Variants in LMO7 observed in about 807,000 individuals in gnomAD.
LMO7 encodes LIM domain only protein 7.
Under a neutral mutation model 206.5 loss-of-function variants are expected in LMO7, and 120 were observed. The observed-to-expected ratio is 0.58, with a 90% confidence interval of 0.50 to 0.68. The LOEUF is 0.68. Ranked by LOEUF, LMO7 falls within the 30% of genes least tolerant of loss-of-function variation. The probability of loss-of-function intolerance (pLI) is 0.00; values close to 1 mark genes in which losing one functional copy is unlikely to be tolerated. For synonymous variants in LMO7, 706 were observed against 681.5 expected (o/e 1.04, Z -0.56); for missense variants, 1,959 against 1,957.9 (o/e 1.00, Z -0.01).
At chr13:75,766,310 A>C (rs142251008) in intron 4 of LMO7, among the ~76,000 whole-genome samples, 3 of 136,894 alleles carry the variant, frequency 2.2e-5, no homozygotes, top group Admixed American at 7.9e-5. Context: ...TCTGACTTTC[A>C]TGTCCTATTC....
At chr13:75,667,797 C>T (rs866823515) in intron 1 of LMO7, among the ~76,000 whole-genome samples, 2 of 152,184 alleles carry the variant, frequency 1.3e-5, no homozygotes, top group South Asian at 4.1e-4. Context: ...TGGCCACTTT[C>T]TCCTGGTTCT....
chr13:75,731,070 AGGTGT>A (rs2045148058), intron 3 of LMO7, among the ~76,000 whole-genome samples: 1 of 151,774 alleles, frequency 6.6e-6, no homozygotes, highest in Admixed American at 6.6e-5. Context: ...ATTTTGGAAT[AGGTGT>A]GGTGTGGTGC....
intron 2 of LMO7, among the ~76,000 whole-genome samples, chr13:75,724,116 A>C (rs1258685965): frequency 6.6e-6 from 1 of 152,100 alleles, no homozygotes; most frequent in Non-Finnish European, 1.5e-5. Flanking sequence ...TTAGGATTTC[A>C]AAGTATGAGG....
intron 1 of LMO7, among the ~76,000 whole-genome samples, chr13:75,674,864 G>C (rs2039877286): frequency 1.3e-5 from 2 of 152,168 alleles, no homozygotes; most frequent in Non-Finnish European, 2.9e-5. Context: ...TAATGGAATA[G>C]TGGTATCCAA....
chr13:75,632,862 G>GTTTTTTTTTTT (rs10690832), upstream of LMO7, among the ~76,000 whole-genome samples: 1,238 of 102,066 alleles, frequency 0.012, 189 homozygotes, highest in African/African-American at 0.045. Context: ...TTACTTAAAA[G>GTTTTTTTTTTT]TTTTTTTTTT....
intron 1 of LMO7, among the ~76,000 whole-genome samples, chr13:75,660,896 AG>A (rs1372866283): frequency 2.0e-5 from 3 of 152,162 alleles, no homozygotes; most frequent in Non-Finnish European, 2.9e-5. Flanking sequence ...GGTAGGGGGT[AG>A]GGTTGACTGA....
chr13:75,811,070 A>G (rs978427643), intron 11 of LMO7, among the ~76,000 whole-genome samples: 6 of 152,252 alleles, frequency 3.9e-5, no homozygotes, highest in Non-Finnish European at 2.9e-5. Flanking sequence ...GGGAAGTATT[A>G]TAATATGAAT....
chr13:75,752,887 A>T lies in LMO7; in HGVS notation c.211-8045A>T, dbSNP rs572824824. Among the ~76,000 whole-genome samples, 3 of 152,338 alleles carry T rather than the reference A, an allele frequency of 2.0e-5. No individual in the cohort carries two copies. In the South Asian group the frequency reaches 6.2e-4, roughly 32 times the overall value. On this transcript the variant is annotated intron_variant, in intron 3 of 30. Coordinates refer to ENST00000377534, the MANE Select transcript of LMO7 (RefSeq NM_001306080.2). ...TTTGCTATTGTGAATAGTGCTGCAG[A>T]AAACATACAAGTGCAGGCATCTCTT...
intron 4 of LMO7, among the ~76,000 whole-genome samples, chr13:75,778,478 C>T (rs1053052041): frequency 4.8e-4 from 73 of 152,320 alleles, no homozygotes; most frequent in African/African-American, 1.4e-3. Flanking sequence ...GTGATCCACC[C>T]GCCTCGGCCT....
chr13:75,728,108 G>C (rs1381739506), intron 3 of LMO7, among the ~76,000 whole-genome samples: 1 of 152,138 alleles, frequency 6.6e-6, no homozygotes, highest in Non-Finnish European at 1.5e-5. Flanking sequence ...CTTTATAGCA[G>C]CATGATTTAT....
chr13:75,817,419 A>G (rs532164737), intron 12 of LMO7, 141 bp downstream of exon 12: 62 of 526,640 alleles, frequency 1.2e-4, no homozygotes, highest in Non-Finnish European at 1.6e-4. Context: ...CTTTCTTTAC[A>G]AAGATTTTTA....
chr13:75,812,713 C>G (rs2056539991), intron 11 of LMO7, among the ~76,000 whole-genome samples: 1 of 151,100 alleles, frequency 6.6e-6, no homozygotes, highest in Admixed American at 6.6e-5. Context: ...TCCTCTTTTT[C>G]CTTCTAAATG....
intron 3 of LMO7, among the ~76,000 whole-genome samples, chr13:75,742,992 T>C (rs912171385): frequency 1.3e-5 from 2 of 152,128 alleles, no homozygotes; most frequent in Admixed American, 1.3e-4. Flanking sequence ...AGATCTAATA[T>C]TCAGCATCCA....
intron 11 of LMO7, among the ~76,000 whole-genome samples, chr13:75,810,874 G>A (rs989740916): frequency 1.3e-5 from 2 of 152,188 alleles, no homozygotes; most frequent in Non-Finnish European, 2.9e-5. Flanking sequence ...AGCTTGAAAA[G>A]CTAAAGATTT....
At chr13:75,808,586 G>C (rs886111798) in intron 10 of LMO7, among the ~76,000 whole-genome samples, 1 of 151,944 alleles carries the variant, frequency 6.6e-6, no homozygotes, top group South Asian at 2.1e-4. Flanking sequence ...TTTTTTGGGG[G>C]GGTGAAATTT....
intron 4 of LMO7, among the ~76,000 whole-genome samples, chr13:75,780,038 A>G (rs2051081378): frequency 6.6e-6 from 1 of 152,176 alleles, no homozygotes; most frequent in South Asian, 2.1e-4. Flanking sequence ...CAAATAGGGT[A>G]TGGGTCACAG....
intron 9 of LMO7, chr13:75,806,402 GTAA>G: frequency 5.0e-6 from 1 of 202,014 alleles, no homozygotes; most frequent in Non-Finnish European, 8.8e-6. Context: ...GTACAAAAGC[GTAA>G]TGTATAACAC....
chr13:75,804,843 T>C (rs1307013903), intron 8 of LMO7: 5 of 1,076,906 alleles, frequency 4.6e-6, no homozygotes, highest in Non-Finnish European at 5.6e-6. Flanking sequence ...ATGTAATGTT[T>C]TTCCTTTTTT....
At chr13:75,658,778 A>G (rs975111007) in intron 1 of LMO7, among the ~76,000 whole-genome samples, 4 of 150,548 alleles carry the variant, frequency 2.7e-5, no homozygotes, top group Admixed American at 2.6e-4. Context: ...TTTAGTAGAG[A>G]CGGGGTTTCA....
Sources: allele counts gnomAD v4.1 joint callset (sites outside exome capture counted in the v4.1 genomes callset), GRCh38; gene constraint gnomAD v4.1.1; transcripts MANE v1.5; gene names NCBI Gene and HGNC (gene_info 2026-07-23, HGNC 2026-07-21).